Variants in NKAIN2 observed in about 807,000 individuals in gnomAD.
NKAIN2 encodes sodium/potassium transporting ATPase interacting 2, also known as sodium/potassium-transporting ATPase subunit beta-1-interacting protein 2.
In NKAIN2, 14 loss-of-function variants were observed where a neutral mutation model predicts 32.6. That is an observed-to-expected ratio of 0.43 (90% CI 0.28 to 0.67). The LOEUF (loss-of-function observed/expected upper bound fraction) is 0.67. NKAIN2 is among the 30% of genes least tolerant of loss of function. The pLI, the probability that NKAIN2 is intolerant of heterozygous loss-of-function variation, is 0.17. For synonymous variants in NKAIN2, 80 were observed against 87.2 expected (o/e 0.92, Z 0.46); for missense variants, 198 against 258.3 (o/e 0.77, Z 1.60).
chr6:124,635,194 A>C (rs920779506), intron 3 of NKAIN2, among the ~76,000 whole-genome samples: 1 of 152,086 alleles, frequency 6.6e-6, no homozygotes, highest in Non-Finnish European at 1.5e-5. Context: ...AAAACTGAAT[A>C]ATTCATTACC....
At chr6:124,209,067 T>G (rs1481049475) in intron 1 of NKAIN2, among the ~76,000 whole-genome samples, 3 of 151,474 alleles carry the variant, frequency 2.0e-5, no homozygotes, top group Non-Finnish European at 4.4e-5. Context: ...TCATAACCAT[T>G]CTCCCTAACT....
chr6:123,895,206 C>T (rs560710443), intron 1 of NKAIN2, among the ~76,000 whole-genome samples: 16 of 151,982 alleles, frequency 1.1e-4, no homozygotes, highest in Middle Eastern at 3.4e-3. Context: ...CAGACACACA[C>T]ACACACACAC....
intron 3 of NKAIN2, among the ~76,000 whole-genome samples, chr6:124,651,010 C>A (rs1019537668): frequency 6.6e-6 from 1 of 152,102 alleles, no homozygotes; most frequent in Non-Finnish European, 1.5e-5. Flanking sequence ...AATGGTGGGA[C>A]AGACATAAGG....
intron 3 of NKAIN2, among the ~76,000 whole-genome samples, chr6:124,621,956 A>C (rs1783121894): frequency 6.6e-6 from 1 of 152,138 alleles, no homozygotes. Flanking sequence ...TTGGTTCTGA[A>C]TGTGAATAAT....
chr6:124,399,009 C>A lies in NKAIN2; in HGVS notation c.273+43662C>A, dbSNP rs143298281. On this transcript the variant is annotated intron_variant, in intron 3 of 6. Transcript: ENST00000368417. ...TGGTGTGATATTGGCTTATTGCAACCTCTGCCTCTCAGGTTCAAGTGATTC... is the reference window on the plus strand; with the variant it reads ...TGGTGTGATATTGGCTTATTGCAACATCTGCCTCTCAGGTTCAAGTGATTC... Among the ~76,000 whole-genome samples the A allele has an allele frequency of 5.3e-3, 809 of 152,222 alleles. 4 individuals are homozygous for A. Among genetic ancestry groups the A allele is most frequent in the Non-Finnish European group, 8.7e-3 (592 of 68,008 alleles).
In NKAIN2 at chr6:124,782,263, C is replaced by T. The variant is rs150830190; in HGVS notation, c.475-9076C>T. On this transcript the variant is annotated intron_variant, in intron 4 of 6. Transcript: ENST00000368417. ...TTTAGTGCAATGAGAGTACTACTGA[C>T]ATCATTTTTGTATAATATTAATCAA... is the stretch of plus-strand genomic sequence containing the variant. Among the ~76,000 whole-genome samples the T allele has an allele frequency of 2.1e-3, 318 of 152,180 alleles. 2 individuals are homozygous for T. The highest frequency in any genetic ancestry group is 0.018 in the South Asian group (87 of 4,824).
intron 3 of NKAIN2, among the ~76,000 whole-genome samples, chr6:124,509,551 G>A (rs1778629921): frequency 6.6e-6 from 1 of 152,156 alleles, no homozygotes; most frequent in Admixed American, 6.5e-5. Flanking sequence ...TTGCATCTGT[G>A]AACAAAAAGT....
At chr6:124,190,790 T>C (rs1325608413) in intron 1 of NKAIN2, among the ~76,000 whole-genome samples, 1 of 152,216 alleles carries the variant, frequency 6.6e-6, no homozygotes, top group Admixed American at 6.5e-5. Context: ...CCCCCTACCA[T>C]GCCAACTCCA....
At chr6:124,395,098 A>G (rs1007872530) in intron 3 of NKAIN2, among the ~76,000 whole-genome samples, 1 of 152,184 alleles carries the variant, frequency 6.6e-6, no homozygotes, top group African/African-American at 2.4e-5. Context: ...TATATAATTA[A>G]AAATAGACAA....
chr6:124,471,924 T>C (rs1482614152), intron 3 of NKAIN2, among the ~76,000 whole-genome samples: 2 of 152,168 alleles, frequency 1.3e-5, no homozygotes, highest in Admixed American at 6.6e-5. Context: ...TTATAGTTAT[T>C]ATTGTTCCAT....
At chr6:123,823,207 T>G (rs2114893366) in intron 1 of NKAIN2, 1 of 152,312 alleles carries the variant, frequency 6.6e-6, no homozygotes, top group Admixed American at 6.5e-5. Context: ...TACAAAACAC[T>G]TTTGACATAA....
chr6:123,914,337 G>GA (rs947530744), intron 1 of NKAIN2, among the ~76,000 whole-genome samples: 4 of 151,966 alleles, frequency 2.6e-5, no homozygotes, highest in Admixed American at 6.6e-5. Context: ...GAGAGAGAGG[G>GA]AAAAAGACAT....
At chr6:124,642,594 G>A (rs1308027403) in intron 3 of NKAIN2, among the ~76,000 whole-genome samples, 3 of 152,082 alleles carry the variant, frequency 2.0e-5, no homozygotes, top group Non-Finnish European at 4.4e-5. Flanking sequence ...AAATAAATAA[G>A]AGTTCATGAA....
At chr6:123,906,241 A>C (rs185800574) in intron 1 of NKAIN2, among the ~76,000 whole-genome samples, 5 of 150,942 alleles carry the variant, frequency 3.3e-5, no homozygotes, top group Admixed American at 2.0e-4. Flanking sequence ...TAGTGGAATT[A>C]TCCACTTTCA....
intron 1 of NKAIN2, among the ~76,000 whole-genome samples, chr6:124,211,047 A>T (rs533758843): frequency 4.3e-4 from 65 of 151,652 alleles, no homozygotes; most frequent in African/African-American, 1.6e-3. Context: ...TCAATTTTTC[A>T]TGGAGAAAAT....
intron 2 of NKAIN2, among the ~76,000 whole-genome samples, chr6:124,289,656 C>T (rs1307081953): frequency 6.6e-6 from 1 of 152,128 alleles, no homozygotes; most frequent in Admixed American, 6.6e-5. Flanking sequence ...TTTTAATTGT[C>T]CATGGAGCTC....
At chr6:124,186,912 CCTT>C (rs373820919) in intron 1 of NKAIN2, among the ~76,000 whole-genome samples, 4 of 152,084 alleles carry the variant, frequency 2.6e-5, no homozygotes, top group African/African-American at 9.6e-5. Flanking sequence ...TTTTTATAAT[CCTT>C]CTAGGATACC....
At chr6:124,748,862 A>AG (rs1554260596) in intron 4 of NKAIN2, among the ~76,000 whole-genome samples, 1 of 151,254 alleles carries the variant, frequency 6.6e-6, no homozygotes, top group Non-Finnish European at 1.5e-5. Flanking sequence ...TTAAAAAAAA[A>AG]AAGAAGTGTG....
At chr6:124,714,246 C>T (rs181038385) in intron 4 of NKAIN2, among the ~76,000 whole-genome samples, 12 of 152,180 alleles carry the variant, frequency 7.9e-5, no homozygotes, top group Non-Finnish European at 1.3e-4. Flanking sequence ...TCAAAACAGA[C>T]GAGCATTATG....
Sources: gnomAD v4.1 joint callset for allele counts (sites outside exome capture counted in the v4.1 genomes callset) on GRCh38, gnomAD v4.1.1 for gene constraint, MANE v1.5 for transcripts, NCBI Gene and HGNC (gene_info 2026-07-23, HGNC 2026-07-21) for gene names.